LRP1B: variants seen among roughly 807,000 people sequenced by gnomAD.
LRP1B encodes the protein LDL receptor related protein 1B.
Under a neutral mutation model 556.6 loss-of-function variants are expected in LRP1B, and 217 were observed. That is an observed-to-expected ratio of 0.39 (90% CI 0.35 to 0.44). The LOEUF (loss-of-function observed/expected upper bound fraction) is 0.44. LRP1B is among the 20% of genes least tolerant of loss of function. LRP1B has a pLI of 1.00. For synonymous variants in LRP1B, 2,047 were observed against 1,865.8 expected (o/e 1.10, Z -2.50); for missense variants, 5,053 against 5,620.8 (o/e 0.90, Z 3.23).
At chr2:140,346,925 T>C (rs1236557834) in intron 77 of LRP1B, among the ~76,000 whole-genome samples, 1 of 151,948 alleles carries the variant, frequency 6.6e-6, no homozygotes, top group Non-Finnish European at 1.5e-5. Flanking sequence ...GAACATTCTA[T>C]TTACAAAAAT....
intron 1 of LRP1B, among the ~76,000 whole-genome samples, chr2:141,819,240 C>A (rs1485529439): frequency 7.7e-6 from 1 of 130,380 alleles, no homozygotes; most frequent in Admixed American, 7.6e-5. Flanking sequence ...CCATCTCAAA[C>A]AAACAAACAA....
intron 7 of LRP1B, among the ~76,000 whole-genome samples, chr2:141,096,117 C>A (rs893371227): frequency 2.0e-5 from 3 of 151,918 alleles, no homozygotes; most frequent in African/African-American, 7.3e-5. Context: ...ATCTTGAACG[C>A]TAAATATTTC....
chr2:141,965,747 TA>T (rs753039771), intron 1 of LRP1B, among the ~76,000 whole-genome samples: 3,438 of 78,592 alleles, frequency 0.044, 54 homozygotes, highest in East Asian at 0.09. Flanking sequence ...AAAGTAGAAT[TA>T]AAAAAAATAA....
rs574461113 is a variant in LRP1B at position 141,169,800 on chromosome 2, CAAAAA to C, written c.1013+18616_1013+18620del. ...TCCAGTGCACCTCCCACACCTTAAC[CAAAAA>C]AAAAAAAAAAAAAAAAGAATAGAAT... On this transcript the variant is annotated intron_variant, in intron 7 of 90. Coordinates refer to ENST00000389484, the MANE Select transcript of LRP1B (RefSeq NM_018557.3). 6.9e-5 allele frequency among the ~76,000 whole-genome samples: 6 copies of C among 87,404 alleles called. No individual in the cohort carries two copies. In the South Asian group the frequency reaches 1.1e-3, roughly 16 times the overall value. The allele number at this position is 87,404 out of a possible 152,430, so 57.3% of individuals were successfully genotyped here. A position where few individuals can be genotyped will look rare whatever the true frequency, so the allele number is the denominator to read the frequency against.
intron 1 of LRP1B, among the ~76,000 whole-genome samples, chr2:141,867,747 A>G (rs889630000): frequency 1.3e-5 from 2 of 152,164 alleles, no homozygotes; most frequent in African/African-American, 4.8e-5. Context: ...CTCTTCTCAC[A>G]TTTCAGAGAG....
At chr2:142,034,767 A>C (rs1703821565) in intron 1 of LRP1B, among the ~76,000 whole-genome samples, 1 of 151,908 alleles carries the variant, frequency 6.6e-6, no homozygotes, top group Admixed American at 6.6e-5. Flanking sequence ...TTAATCATTA[A>C]TATGCATAAT....
At chr2:140,952,938 T>G (rs1358723530) in intron 18 of LRP1B, among the ~76,000 whole-genome samples, 4 of 152,138 alleles carry the variant, frequency 2.6e-5, no homozygotes, top group Non-Finnish European at 5.9e-5. Flanking sequence ...CAGGAGAATA[T>G]GGATAGCATT....
intron 6 of LRP1B, chr2:141,208,450 CT>C (rs1311672216): frequency 6.6e-6 from 1 of 152,244 alleles, no homozygotes; most frequent in Non-Finnish European, 1.5e-5. Flanking sequence ...CGCTTGGCTA[CT>C]GGCATAGAGA....
rs755675117 is a variant in LRP1B at position 142,124,279 on chromosome 2, A to G, written c.82+6369T>C. On this transcript the variant is annotated intron_variant, in intron 1 of 90. Coordinates refer to ENST00000389484, the MANE Select transcript of LRP1B (RefSeq NM_018557.3). ...CTCTTTTCCACTAAGGATACTTACAAATTTGAAGTAATAGGGAATAAGATC... is the reference window on the plus strand; with the variant it reads ...CTCTTTTCCACTAAGGATACTTACAGATTTGAAGTAATAGGGAATAAGATC... Among the ~76,000 whole-genome samples the G allele has an allele frequency of 9.3e-4, 142 of 152,042 alleles. No homozygotes were observed. In the Middle Eastern group the frequency reaches 0.01, roughly 11 times the overall value.
chr2:141,615,444 T>G (rs545782135), intron 2 of LRP1B, among the ~76,000 whole-genome samples: 1 of 152,172 alleles, frequency 6.6e-6, no homozygotes, highest in East Asian at 1.9e-4. Flanking sequence ...CTGACACTCA[T>G]AGATGATCAA....
chr2:140,854,139 A>C (rs758605754), intron 27 of LRP1B, among the ~76,000 whole-genome samples: 1 of 152,108 alleles, frequency 6.6e-6, no homozygotes, highest in South Asian at 2.1e-4. Flanking sequence ...AGGAAAAAAA[A>C]GTTTGTTCAA....
chr2:141,642,987 G>C (rs1228553906), intron 2 of LRP1B, among the ~76,000 whole-genome samples: 1 of 152,070 alleles, frequency 6.6e-6, no homozygotes, highest in African/African-American at 2.4e-5. Context: ...ACAGTTAAAA[G>C]ACAAACTTAA....
chr2:141,150,877 G>GTGTGTGTA (rs1431403994), intron 7 of LRP1B, among the ~76,000 whole-genome samples: 2 of 128,024 alleles, frequency 1.6e-5, no homozygotes, highest in African/African-American at 3.2e-5. Flanking sequence ...GTTTGTGTGT[G>GTGTGTGTA]TGTGTGTGTG....
chr2:140,780,769 T>TA (rs1222691114), intron 32 of LRP1B, among the ~76,000 whole-genome samples: 1 of 151,802 alleles, frequency 6.6e-6, no homozygotes, highest in African/African-American at 2.4e-5. Flanking sequence ...GGCAGGATAA[T>TA]AAAAAAAAGA....
chr2:141,310,886 C>A (rs1686789607), intron 3 of LRP1B, among the ~76,000 whole-genome samples: 1 of 152,130 alleles, frequency 6.6e-6, no homozygotes, highest in Admixed American at 6.6e-5. Context: ...TCTATCTAAT[C>A]CTTTTATTTT....
intron 2 of LRP1B, among the ~76,000 whole-genome samples, chr2:141,721,696 G>T (rs1692821222): frequency 6.6e-6 from 1 of 152,250 alleles, no homozygotes; most frequent in Non-Finnish European, 1.5e-5. Flanking sequence ...CGATATACTT[G>T]TTAAAAATAA....
intron 2 of LRP1B, among the ~76,000 whole-genome samples, chr2:141,731,063 T>C (rs1693253050): frequency 1.3e-5 from 2 of 152,170 alleles, no homozygotes; most frequent in African/African-American, 2.4e-5. Flanking sequence ...CAGGAGATTA[T>C]GGCACAGATT....
chr2:141,085,354 C>T (rs1700025963), intron 7 of LRP1B, among the ~76,000 whole-genome samples: 1 of 152,040 alleles, frequency 6.6e-6, no homozygotes, highest in African/African-American at 2.4e-5. Flanking sequence ...ACTGTTTGTA[C>T]CTCAGAATGT....
intron 1 of LRP1B, among the ~76,000 whole-genome samples, chr2:142,031,330 A>ATTTATTGATAAGATTCTCTTAACGTATT: frequency 8.5e-6 from 1 of 117,050 alleles, no homozygotes; most frequent in Non-Finnish European, 1.8e-5. Flanking sequence ...GATTATACTT[A>ATTTATTGATAAGATTCTCTTAACGTATT]TTTTTTTTTT....
Sources: allele counts gnomAD v4.1 joint callset (sites outside exome capture counted in the v4.1 genomes callset), GRCh38; gene constraint gnomAD v4.1.1; transcripts MANE v1.5; gene names NCBI Gene and HGNC (gene_info 2026-07-23, HGNC 2026-07-21).